Variants in DDAH1 observed in about 807,000 individuals in gnomAD.
The protein encoded by DDAH1 is N(G),N(G)-dimethylarginine dimethylaminohydrolase 1.
In DDAH1, 19 loss-of-function variants were observed where a neutral mutation model predicts 28.8. The ratio of observed to expected loss-of-function variants is 0.66; its 90% CI spans 0.46 to 0.97. The LOEUF is 0.97. Ranked by LOEUF, DDAH1 falls within the 50% of genes least tolerant of loss-of-function variation. The pLI, the probability that DDAH1 is intolerant of heterozygous loss-of-function variation, is 0.00. For synonymous variants in DDAH1, 153 were observed against 154.4 expected, an observed-to-expected ratio of 0.99 and a Z score of 0.07; for missense variants, 326 against 375.9, an observed-to-expected ratio of 0.87 and a Z score of 1.10.
chr1:85,485,020 A>G lies in DDAH1; in HGVS notation c.-7+11146T>C, dbSNP rs570931582. Among the ~76,000 whole-genome samples the G allele has an allele frequency of 7.2e-5, 11 of 152,334 alleles. No homozygotes were observed. In the South Asian group the frequency reaches 2.3e-3, roughly 32 times the overall value. ...GGTTACTGTGTGCTATGGATAGCATACCTGAGCTTCAGTAACTTTATTTTT... is the reference window on the plus strand; with the variant it reads ...GGTTACTGTGTGCTATGGATAGCATGCCTGAGCTTCAGTAACTTTATTTTT... On this transcript the variant is annotated intron_variant, in intron 2 of 6. Transcript: ENST00000426972.
chr1:85,414,390 G>T (rs747020357), intron 1 of DDAH1, among the ~76,000 whole-genome samples: 2 of 152,280 alleles, frequency 1.3e-5, no homozygotes, highest in Non-Finnish European at 2.9e-5. Flanking sequence ...AAGGCAAAAT[G>T]CTAAAGCTTT....
intron 4 of DDAH1, among the ~76,000 whole-genome samples, chr1:85,343,008 A>T (rs12071648): frequency 0.043 from 6,557 of 152,276 alleles, 492 homozygotes; most frequent in African/African-American, 0.15. Flanking sequence ...CAGAAGTTAG[A>T]GTCTTGGGTT....
intron 4 of DDAH1, among the ~76,000 whole-genome samples, chr1:85,325,320 T>C (rs72722671): frequency 0.032 from 4,831 of 152,010 alleles, 152 homozygotes; most frequent in East Asian, 0.15. Context: ...ATCTGATTAA[T>C]CAGTAACACC....
rs1464583938 is a variant in DDAH1, at chr1:85,320,307, GT to G, written c.*1144del. On this transcript the variant is annotated 3_prime_UTR_variant, in exon 6 of 6. Coordinates refer to ENST00000284031, the MANE Select transcript of DDAH1 (RefSeq NM_012137.4). ...AAAGTAGAATTGTCCACTGTCTGGG[GT>G]TGGGTTCAAGCATCAAGGTGATCGC... 3 of 152,646 alleles carry G rather than the reference GT, an allele frequency of 2.0e-5. No homozygotes were observed. The highest frequency in any genetic ancestry group is 7.2e-5 in the African/African-American group (3 of 41,454). The allele number at this position is 152,646 out of a possible 1,614,324, so 9.5% of individuals were successfully genotyped here.
intron 2 of DDAH1, among the ~76,000 whole-genome samples, chr1:85,489,715 C>A (rs1231816187): frequency 2.6e-5 from 4 of 151,738 alleles, no homozygotes; most frequent in African/African-American, 9.7e-5. Context: ...GGAGAGGAGG[C>A]AAATCAAGGT....
intron 4 of DDAH1, among the ~76,000 whole-genome samples, chr1:85,348,368 T>C (rs1648995225): frequency 6.6e-6 from 1 of 152,142 alleles, no homozygotes; most frequent in South Asian, 2.1e-4. Context: ...GTCCAACATC[T>C]CTGAAACAAT....
At chr1:85,415,863 T>C (rs1294031436) in intron 1 of DDAH1, among the ~76,000 whole-genome samples, 1 of 152,174 alleles carries the variant, frequency 6.6e-6, no homozygotes, top group African/African-American at 2.4e-5. Context: ...TTCTTTAAAC[T>C]TTTCAGTTGT....
chr1:85,540,542 A>T (rs1490439928), intron 1 of DDAH1, among the ~76,000 whole-genome samples: 1 of 152,152 alleles, frequency 6.6e-6, no homozygotes, highest in Non-Finnish European at 1.5e-5. Flanking sequence ...TCTCCATTAG[A>T]GTATGCTTCT....
intron 1 of DDAH1, among the ~76,000 whole-genome samples, chr1:85,577,180 A>ACCCTCTCGCGGTGCGGACCCTCTCCGCT (rs1659637236): frequency 1.3e-5 from 2 of 151,846 alleles, no homozygotes; most frequent in Non-Finnish European, 2.9e-5. Flanking sequence ...CGCGTCCCGC[A>ACCCTCTCGCGGTGCGGACCCTCTCCGCT]CCCTCTCGCG....
At chr1:85,401,592 T>G (rs908725222) in intron 1 of DDAH1, among the ~76,000 whole-genome samples, 1 of 150,948 alleles carries the variant, frequency 6.6e-6, no homozygotes, top group African/African-American at 2.4e-5. Flanking sequence ...CTTGATCTCC[T>G]GGGCCCAAGC....
chr1:85,492,654 A>G (rs570999578), intron 2 of DDAH1, among the ~76,000 whole-genome samples: 387 of 152,304 alleles, frequency 2.5e-3, no homozygotes, highest in Non-Finnish European at 4.2e-3. Context: ...CTGAATGGCA[A>G]TATCAGTAAT....
intron 2 of DDAH1, among the ~76,000 whole-genome samples, chr1:85,471,514 G>A (rs1156598794): frequency 6.6e-6 from 1 of 152,228 alleles, no homozygotes; most frequent in African/African-American, 2.4e-5. Context: ...TAAAGTGGGA[G>A]TTATAATACC....
At chr1:85,405,789 C>A (rs943415550) in intron 1 of DDAH1, among the ~76,000 whole-genome samples, 2 of 152,166 alleles carry the variant, frequency 1.3e-5, no homozygotes, top group African/African-American at 2.4e-5. Context: ...TGTTTCTCTG[C>A]AAGAAAGAAT....
chr1:85,499,996 G>A (rs78560891), intron 1 of DDAH1, among the ~76,000 whole-genome samples: 15,136 of 152,052 alleles, frequency 0.1, 1,004 homozygotes, highest in Non-Finnish European at 0.15. Flanking sequence ...GTGTACCATT[G>A]ATACATTTGG....
At chr1:85,391,319 A>T (rs1651538715) in intron 1 of DDAH1, among the ~76,000 whole-genome samples, 1 of 152,144 alleles carries the variant, frequency 6.6e-6, no homozygotes, top group Non-Finnish European at 1.5e-5. Flanking sequence ...TTCTGAAGAG[A>T]AGCCAGGTGT....
chr1:85,432,313 C>T (rs1570535746), intron 1 of DDAH1, among the ~76,000 whole-genome samples: 1 of 152,178 alleles, frequency 6.6e-6, no homozygotes, highest in Non-Finnish European at 1.5e-5. Context: ...GTTAAGCAGG[C>T]CCTCAGCTAG....
chr1:85,401,262 A>G (rs1166885481), intron 1 of DDAH1, among the ~76,000 whole-genome samples: 1 of 152,226 alleles, frequency 6.6e-6, no homozygotes, highest in Non-Finnish European at 1.5e-5. Context: ...AGGGCCTACT[A>G]TGAAAACATT....
chr1:85,398,370 G>C (rs1323776925), intron 1 of DDAH1: 34 of 152,134 alleles, frequency 2.2e-4, no homozygotes, highest in Admixed American at 2.2e-3. Flanking sequence ...AGAAATGGGG[G>C]TGATTATAGA....
At chr1:85,491,187 C>G (rs907391455) in intron 2 of DDAH1, among the ~76,000 whole-genome samples, 1 of 151,902 alleles carries the variant, frequency 6.6e-6, no homozygotes, top group African/African-American at 2.4e-5. Flanking sequence ...GCTGGGACTT[C>G]AAGTGTGTGC....
Sources: allele counts gnomAD v4.1 joint callset (sites outside exome capture counted in the v4.1 genomes callset), GRCh38; gene constraint gnomAD v4.1.1; transcripts MANE v1.5; gene names NCBI Gene and HGNC (gene_info 2026-07-23, HGNC 2026-07-21).